TBCA: variants seen among roughly 807,000 people sequenced by gnomAD.
The protein encoded by TBCA is tubulin-specific chaperone A.
A neutral mutation model predicts 15.8 loss-of-function variants in TBCA; 6 were observed. The observed-to-expected ratio is 0.38, with a 90% confidence interval of 0.21 to 0.75. TBCA has a LOEUF of 0.75. TBCA is among the 30% of genes least tolerant of loss of function. TBCA has a pLI of 0.46. For missense variants in TBCA, 90 were observed against 131.2 expected, an observed-to-expected ratio of 0.69 and a Z score of 1.53; for synonymous variants, 32 against 42.3, an observed-to-expected ratio of 0.76 and a Z score of 0.94.
At chr5:77,747,193 C>T (rs1420493138) in intron 1 of TBCA, among the ~76,000 whole-genome samples, 2 of 151,892 alleles carry the variant, frequency 1.3e-5, no homozygotes, top group Non-Finnish European at 2.9e-5. Context: ...ATAACAAATA[C>T]TTAAAATTTC....
chr5:77,754,365 C>T lies in TBCA; in HGVS notation c.53+21840G>A, dbSNP rs559134916. ...AGCTTTGAATTAGACAAATTATTTACCTTTTAATAAGAATATATTTTTTAG... is the reference window on the plus strand; with the variant it reads ...AGCTTTGAATTAGACAAATTATTTATCTTTTAATAAGAATATATTTTTTAG... On this transcript the variant is annotated intron_variant, in intron 1 of 3. Transcript: ENST00000380377. Among the ~76,000 whole-genome samples the T allele has an allele frequency of 1.4e-3, 209 of 152,220 alleles. 1 individual carries two copies. Among genetic ancestry groups the T allele is most frequent in the Admixed American group, 4.6e-3 (71 of 15,284 alleles).
chr5:77,758,126 T>C (rs1261136902), intron 1 of TBCA, among the ~76,000 whole-genome samples: 1 of 152,108 alleles, frequency 6.6e-6, no homozygotes, highest in Non-Finnish European at 1.5e-5. Flanking sequence ...CGTTTGACCT[T>C]TTGATTTGGG....
At chr5:77,763,780 A>G (rs73768453) in intron 1 of TBCA, among the ~76,000 whole-genome samples, 10,848 of 152,286 alleles carry the variant, frequency 0.071, 542 homozygotes, top group African/African-American at 0.14. Context: ...TCTATCATTT[A>G]TAAGCCACCC....
intron 2 of TBCA, among the ~76,000 whole-genome samples, chr5:77,693,988 G>C (rs1448771275): frequency 6.6e-6 from 1 of 152,052 alleles, no homozygotes; most frequent in East Asian, 1.9e-4. Flanking sequence ...TTCCCCTGCT[G>C]TTGCAAAGCA....
chr5:77,714,985 T>C (rs1029344439), intron 1 of TBCA, among the ~76,000 whole-genome samples: 1 of 152,134 alleles, frequency 6.6e-6, no homozygotes, highest in Non-Finnish European at 1.5e-5. Flanking sequence ...TAAAATTAAA[T>C]AAGCAAAATA....
chr5:77,769,024 A>G (rs1217097366), intron 1 of TBCA, among the ~76,000 whole-genome samples: 1 of 152,256 alleles, frequency 6.6e-6, no homozygotes, highest in Non-Finnish European at 1.5e-5. Flanking sequence ...AGAATAAAAT[A>G]CCTTGTGTTG....
At chr5:77,768,242 T>C (rs1747830404) in intron 1 of TBCA, among the ~76,000 whole-genome samples, 2 of 152,232 alleles carry the variant, frequency 1.3e-5, no homozygotes, top group African/African-American at 2.4e-5. Flanking sequence ...TAGCATTTAT[T>C]GAACATTTAC....
chr5:77,769,420 ATAAG>A (rs1561286714), intron 1 of TBCA, among the ~76,000 whole-genome samples: 1 of 152,252 alleles, frequency 6.6e-6, no homozygotes, highest in Non-Finnish European at 1.5e-5. Flanking sequence ...TGCTTTAAAT[ATAAG>A]TATATAAACA....
chr5:77,718,362 G>A (rs1746451375), intron 1 of TBCA, among the ~76,000 whole-genome samples: 1 of 152,188 alleles, frequency 6.6e-6, no homozygotes, highest in African/African-American at 2.4e-5. Flanking sequence ...GACCATTATG[G>A]GGTAAGAAGT....
chr5:77,698,839 T>C (rs1041889138), intron 2 of TBCA, among the ~76,000 whole-genome samples: 4 of 152,156 alleles, frequency 2.6e-5, no homozygotes, highest in Non-Finnish European at 5.9e-5. Context: ...GACAGTTAAA[T>C]ATTTGAAAAT....
At chr5:77,715,903 C>T (rs1261791756) in intron 1 of TBCA, among the ~76,000 whole-genome samples, 2 of 152,142 alleles carry the variant, frequency 1.3e-5, no homozygotes, top group African/African-American at 2.4e-5. Context: ...CTGTTATATA[C>T]AGTTCTCCTC....
chr5:77,694,685 C>T (rs1238620503), intron 2 of TBCA, among the ~76,000 whole-genome samples: 2 of 152,140 alleles, frequency 1.3e-5, no homozygotes, highest in East Asian at 3.8e-4. Flanking sequence ...GAGCTTTTTA[C>T]TAAGGAGATT....
chr5:77,721,039 G>C (rs1166709762), intron 1 of TBCA, among the ~76,000 whole-genome samples: 1 of 152,130 alleles, frequency 6.6e-6, no homozygotes, highest in East Asian at 1.9e-4. Flanking sequence ...AACTAATATT[G>C]ATTATCATAC....
At chr5:77,701,925 T>C (rs913079535) in intron 2 of TBCA, among the ~76,000 whole-genome samples, 3 of 151,594 alleles carry the variant, frequency 2.0e-5, no homozygotes, top group African/African-American at 4.8e-5. Flanking sequence ...GTCTAAGTGA[T>C]GTAACTCAGG....
chr5:77,705,148 C>G (rs1025098907), intron 2 of TBCA, among the ~76,000 whole-genome samples: 1 of 152,120 alleles, frequency 6.6e-6, no homozygotes, highest in African/African-American at 2.4e-5. Flanking sequence ...TGAAATAAAA[C>G]AGGTTCTGTG....
At chr5:77,755,795 C>T (rs901957302) in intron 1 of TBCA, among the ~76,000 whole-genome samples, 2 of 151,798 alleles carry the variant, frequency 1.3e-5, no homozygotes, top group Middle Eastern at 3.2e-3. Context: ...ACCTGAAGTT[C>T]GGAATTTGAG....
chr5:77,693,196 T>C (rs1173720241), intron 3 of TBCA, 70 bp downstream of exon 3: 1 of 1,577,668 alleles, frequency 6.3e-7, no homozygotes, highest in Admixed American at 1.8e-5. Flanking sequence ...GTTAAATATT[T>C]AAACTTTTGG....
At chr5:77,713,989 G>A (rs1441323338) in intron 1 of TBCA, among the ~76,000 whole-genome samples, 8 of 141,700 alleles carry the variant, frequency 5.6e-5, no homozygotes, top group African/African-American at 1.8e-4. Flanking sequence ...CCTTTTAGAC[G>A]CACACAGAAT....
At chr5:77,710,843 A>G (rs1285879993) in intron 1 of TBCA, among the ~76,000 whole-genome samples, 1 of 152,216 alleles carries the variant, frequency 6.6e-6, no homozygotes, top group Admixed American at 6.5e-5. Context: ...TATTATCACT[A>G]TCATTATATA....
Sources: gnomAD v4.1 joint callset for allele counts (sites outside exome capture counted in the v4.1 genomes callset) on GRCh38, gnomAD v4.1.1 for gene constraint, MANE v1.5 for transcripts, NCBI Gene and HGNC (gene_info 2026-07-23, HGNC 2026-07-21) for gene names.